The following POU6F2 variants were observed in gnomAD, a reference collection of about 807,000 sequenced individuals.
POU6F2 encodes POU domain, class 6, transcription factor 2.
Under a neutral mutation model 71.3 loss-of-function variants are expected in POU6F2, and 31 were observed. The observed-to-expected ratio is 0.43, with a 90% CI of 0.33 to 0.59. POU6F2 has a LOEUF of 0.59. Among genes scored for constraint, POU6F2 ranks in the 20% least tolerant of loss-of-function variants. POU6F2 has a pLI of 0.04. For synonymous variants in POU6F2, 347 were observed against 355.7 expected (o/e 0.98, Z 0.27); for missense variants, 783 against 856.8 (o/e 0.91, Z 1.07).
At chr7:39,306,312 A>G (rs1243868494) in intron 4 of POU6F2, among the ~76,000 whole-genome samples, 1 of 152,382 alleles carries the variant, frequency 6.6e-6, no homozygotes, top group East Asian at 1.9e-4. Flanking sequence ...AATAATAGCT[A>G]TCACTCATTG....
chr7:39,392,491 C>A (rs942297682), intron 5 of POU6F2, among the ~76,000 whole-genome samples: 3 of 152,208 alleles, frequency 2.0e-5, no homozygotes, highest in African/African-American at 7.2e-5. Context: ...AGACCCAACA[C>A]CCCACAGAAC....
chr7:39,366,026 C>G (rs1380595068), intron 5 of POU6F2, among the ~76,000 whole-genome samples: 1 of 152,142 alleles, frequency 6.6e-6, no homozygotes, highest in Non-Finnish European at 1.5e-5. Context: ...AGGAAGAACT[C>G]TAGGGGATGG....
chr7:39,333,568 C>G (rs1277033738), intron 4 of POU6F2, among the ~76,000 whole-genome samples: 5 of 152,028 alleles, frequency 3.3e-5, no homozygotes, highest in Non-Finnish European at 7.3e-5. Flanking sequence ...GAAACCCCAT[C>G]TCTACCAAAA....
chr7:39,132,839 G>A (rs111536072), intron 2 of POU6F2, among the ~76,000 whole-genome samples: 7 of 152,124 alleles, frequency 4.6e-5, no homozygotes, highest in East Asian at 1.9e-4. Context: ...TTCACTTACC[G>A]TACTTCACTC....
chr7:39,108,154 C>T (rs1448361541), intron 2 of POU6F2, among the ~76,000 whole-genome samples: 5 of 152,256 alleles, frequency 3.3e-5, no homozygotes, highest in Admixed American at 6.5e-5. Context: ...CCATAGTAAC[C>T]GCCTCATCTG....
chr7:39,068,490 C>CATATATATATATATATATATACAT (rs3057275), intron 1 of POU6F2, among the ~76,000 whole-genome samples: 22 of 146,718 alleles, frequency 1.5e-4, no homozygotes, highest in African/African-American at 4.9e-4. Context: ...CTAGTACATG[C>CATATATATATATATATATATACAT]ATATATATAT....
In POU6F2 at chr7:39,195,037, A is replaced by G. The variant is rs149359099; in HGVS notation, c.278-9198A>G. 2.5e-3 allele frequency among the ~76,000 whole-genome samples: 381 copies of G among 152,356 alleles called. 1 individual carries two copies. Among genetic ancestry groups the G allele is most frequent in the African/African-American group, 8.6e-3 (358 of 41,582 alleles). ...GGTCCGCGGTTTCATTCTTGAAGTC[A>G]GCCAGACCAAGAACCCAGCGGAAGG... On this transcript the variant is annotated intron_variant, in intron 2 of 9. Coordinates refer to ENST00000518318, the MANE Select transcript of POU6F2 (RefSeq NM_001370959.1).
At chr7:39,346,328 A>T (rs1189577007) in intron 5 of POU6F2, among the ~76,000 whole-genome samples, 1 of 152,222 alleles carries the variant, frequency 6.6e-6, no homozygotes, top group Non-Finnish European at 1.5e-5. Context: ...GGTTTAACAA[A>T]GCAGGAAGCA....
At chr7:39,120,146 A>G (rs931907965) in intron 2 of POU6F2, among the ~76,000 whole-genome samples, 5 of 152,302 alleles carry the variant, frequency 3.3e-5, no homozygotes, top group Admixed American at 6.5e-5. Context: ...ATTCAGTTCT[A>G]TATTATACTT....
chr7:39,277,213 TAAATC>T (rs1276720994), intron 4 of POU6F2, among the ~76,000 whole-genome samples: 3 of 152,168 alleles, frequency 2.0e-5, no homozygotes, highest in African/African-American at 7.2e-5. Context: ...CTGTCACTAA[TAAATC>T]AATATAATCA....
chr7:39,127,283 G>A (rs1281276958), intron 2 of POU6F2, among the ~76,000 whole-genome samples: 1 of 152,268 alleles, frequency 6.6e-6, no homozygotes, highest in Non-Finnish European at 1.5e-5. Flanking sequence ...CAGACATGGT[G>A]ACTCATAAGA....
At chr7:39,284,857 A>G (rs1175747851) in intron 4 of POU6F2, among the ~76,000 whole-genome samples, 1 of 152,210 alleles carries the variant, frequency 6.6e-6, no homozygotes, top group African/African-American at 2.4e-5. Context: ...TGACCATATA[A>G]GATGCCCAAA....
intron 1 of POU6F2, among the ~76,000 whole-genome samples, chr7:39,057,038 A>G (rs532056811): frequency 2.0e-4 from 30 of 152,288 alleles, no homozygotes; most frequent in African/African-American, 7.2e-4. Flanking sequence ...TTTTGACTTG[A>G]GAATGAGCCC....
chr7:39,157,118 G>C (rs1792886335), intron 2 of POU6F2, among the ~76,000 whole-genome samples: 1 of 152,182 alleles, frequency 6.6e-6, no homozygotes, highest in African/African-American at 2.4e-5. Context: ...TACCGAGGCA[G>C]AGCACAGGCT....
At chr7:39,066,682 G>C (rs540965668) in intron 1 of POU6F2, among the ~76,000 whole-genome samples, 119 of 151,094 alleles carry the variant, frequency 7.9e-4, no homozygotes, top group Non-Finnish European at 2.7e-4. Flanking sequence ...AGCAAGTGTT[G>C]ATGGTAACAC....
intron 4 of POU6F2, among the ~76,000 whole-genome samples, chr7:39,292,654 A>G (rs1217558286): frequency 6.6e-6 from 1 of 152,210 alleles, no homozygotes; most frequent in Non-Finnish European, 1.5e-5. Flanking sequence ...GAGCAACTTT[A>G]TGGAGCTTGC....
chr7:39,315,035 A>G (rs1785236632), intron 4 of POU6F2, among the ~76,000 whole-genome samples: 1 of 152,218 alleles, frequency 6.6e-6, no homozygotes, highest in South Asian at 2.1e-4. Flanking sequence ...AACATTTCAC[A>G]GCGTTTCCGT....
chr7:39,099,953 C>T (rs1210693688), intron 2 of POU6F2, among the ~76,000 whole-genome samples: 1 of 152,192 alleles, frequency 6.6e-6, no homozygotes, highest in Non-Finnish European at 1.5e-5. Flanking sequence ...AGCCAAAACT[C>T]AAGCTAGATG....
At chr7:39,299,251 G>A (rs1437787256) in intron 4 of POU6F2, among the ~76,000 whole-genome samples, 2 of 152,106 alleles carry the variant, frequency 1.3e-5, no homozygotes, top group Non-Finnish European at 2.9e-5. Context: ...AGTCGGGCCA[G>A]GCAGATGCTT....
Sources: gnomAD v4.1 joint callset for allele counts (sites outside exome capture counted in the v4.1 genomes callset) on GRCh38, gnomAD v4.1.1 for gene constraint, MANE v1.5 for transcripts, NCBI Gene and HGNC (gene_info 2026-07-23, HGNC 2026-07-21) for gene names.